The following NUDT1 variants were observed in gnomAD, a reference collection of about 807,000 sequenced individuals.
The protein encoded by NUDT1 is nudix hydrolase 1, also known as oxidized purine nucleoside triphosphate hydrolase.
Under a neutral mutation model 11.3 loss-of-function variants are expected in NUDT1, and 16 were observed. The ratio of observed to expected loss-of-function variants is 1.41; its 90% confidence interval spans 0.96 to 2.15. The LOEUF is 2.15. Among genes scored for constraint, NUDT1 ranks in the 30% most tolerant of loss-of-function variants. The pLI is 0.00. For synonymous variants in NUDT1, 101 were observed against 84.4 expected (o/e 1.20, Z -1.08); for missense variants, 234 against 208.4 (o/e 1.12, Z -0.76).
intron 2 of NUDT1, among the ~76,000 whole-genome samples, 153 bp downstream of exon 2, chr7:2,244,879 G>A (rs1794711201): frequency 1.3e-5 from 2 of 152,366 alleles, no homozygotes; most frequent in African/African-American, 4.8e-5. Context: ...TCAGAATGAA[G>A]AACAGTCCGC....
chr7:2,249,957 GTCTTCTGCACAGACAGCA>G lies in NUDT1; in HGVS notation c.256_273del (p.Phe86_Ile91del). ...CGAGCCTGAGCTCATGGACGTGCAT[GTCTTCTGCACAGACAGCA>G]TCCAGGGGACCCCCGTGGAGAGCGA... On this transcript the variant is annotated inframe_deletion, in exon 3 of 4. Coordinates refer to ENST00000356714, the MANE Select transcript of NUDT1 (RefSeq NM_002452.4). 1 of 1,614,222 alleles carries G rather than the reference GTCTTCTGCACAGACAGCA, an allele frequency of 6.2e-7. No individual in the cohort carries two copies.
chr7:2,245,101 G>C (rs1483896709), intron 2 of NUDT1, among the ~76,000 whole-genome samples: 1 of 152,138 alleles, frequency 6.6e-6, no homozygotes, highest in Non-Finnish European at 1.5e-5. Flanking sequence ...CAGTCACTTG[G>C]TTCCTCTGTC....
Position 2,249,911 on chromosome 7 carries a change from G to C in NUDT1, c.207G>C (p.Gln69His), listed in dbSNP as rs1462992388. 5 of 1,614,224 alleles carry C rather than the reference G, an allele frequency of 3.1e-6. No individual in the cohort carries two copies. In the South Asian group the frequency reaches 4.4e-5, roughly 14 times the overall value. ...TGGACGCCCTGCACAAGGTGGGCCA[G>C]ATCGTGTTTGAGTTCGTGGGCGAGC... ...LTVDALHKVG[Q>H]IVFEFVGEPE... is the part of the protein sequence containing the mutation. Residue 69 changes from glutamine (Q) to histidine (H), a missense_variant, in exon 3 of 4, where the codon CAG (glutamine) becomes CAC (histidine). Gln to His is a conservative substitution (Grantham distance 24). Transcript: ENST00000356714.
chr7:2,250,868 T>C lies in NUDT1; in HGVS notation c.338T>C (p.Phe113Ser). 1.9e-6 allele frequency: 3 copies of C among 1,614,192 alleles called. No individual in the cohort carries two copies. The highest frequency in any genetic ancestry group is 2.5e-6 in the Non-Finnish European group (3 of 1,180,018). Residue 113 changes from phenylalanine (F) to serine (S), a missense_variant, in exon 4 of 4, where the codon TTC (phenylalanine) becomes TCC (serine). By Grantham distance (155) the Phe-to-Ser change is radical (BLOSUM62 -2). Transcript: ENST00000356714. ...PCWFQLDQIP[F>S]KDMWPDDSYW... ...TGGTTCCAGCTGGATCAGATCCCCT[T>C]CAAGGACATGTGGCCCGACGACAGC...
In NUDT1 at chr7:2,244,724, GA is replaced by G. The variant is rs1562406449; in HGVS notation, c.151del (p.Arg51GlyfsTer9). ...GAGAGACCATCGAGGATGGGGCTAGGAGGTAAGGATGGGGCAGGTCTGGCCA... is the reference window on the plus strand; with the variant it reads ...GAGAGACCATCGAGGATGGGGCTAGGGGTAAGGATGGGGCAGGTCTGGCCA... ...EGETIEDGARRELQEESGLTV... is the reference protein window; with the variant it reads ...EGETIEDGARXELQEESGLTV... On this transcript the variant is annotated frameshift_variant and splice_region_variant, in exon 2 of 4. Coordinates refer to ENST00000356714, the MANE Select transcript of NUDT1 (RefSeq NM_002452.4). LOFTEE classifies it high-confidence loss of function. The G allele has an allele frequency of 1.2e-6, 2 of 1,608,824 alleles. No individual in the cohort carries two copies. The highest frequency in any genetic ancestry group is 1.7e-6 in the Non-Finnish European group (2 of 1,178,182).
chr7:2,246,140 C>T (rs1441939334), intron 2 of NUDT1, among the ~76,000 whole-genome samples: 2 of 152,196 alleles, frequency 1.3e-5, no homozygotes, highest in Non-Finnish European at 2.9e-5. Context: ...GGGTTCTCTG[C>T]CCAGCCCTTT....
At chr7:2,247,731 A>G (rs1176289637) in intron 2 of NUDT1, among the ~76,000 whole-genome samples, 1 of 152,186 alleles carries the variant, frequency 6.6e-6, no homozygotes, top group Non-Finnish European at 1.5e-5. Flanking sequence ...CTGCCTGGGA[A>G]ATGGAGCTTC....
intron 1 of NUDT1, 111 bp from the exon 2 acceptor site, chr7:2,244,452 A>AGC: frequency 2.2e-5 from 12 of 553,124 alleles, no homozygotes; most frequent in Non-Finnish European, 2.6e-5. Context: ...GTTACAGCAT[A>AGC]CCCCCCCGCC....
chr7:2,242,900 G>A (rs1794605416), intron 1 of NUDT1: 1 of 705,326 alleles, frequency 1.4e-6, no homozygotes, highest in South Asian at 1.5e-5. Flanking sequence ...TTATCGCAAG[G>A]ACAGAGGGCT....
chr7:2,250,337 T>C (rs1247802396), intron 3 of NUDT1, among the ~76,000 whole-genome samples: 3 of 152,200 alleles, frequency 2.0e-5, no homozygotes, highest in Admixed American at 6.5e-5. Context: ...CTCACCCCTG[T>C]AATCCCAGCA....
intron 2 of NUDT1, among the ~76,000 whole-genome samples, chr7:2,245,005 G>A (rs927246744): frequency 2.0e-5 from 3 of 152,180 alleles, no homozygotes; most frequent in Non-Finnish European, 4.4e-5. Context: ...CGGTGGTGCT[G>A]GGGGCTGCAG....
chr7:2,244,013 G>A lies in NUDT1; in HGVS notation c.-12-550G>A, dbSNP rs35354695. ...CCTATCACAGGAGGGAGGACTAGCC[G>A]GGCCTGGCTGGGTGGACCTGTGTCT... On this transcript the variant is annotated intron_variant, in intron 1 of 3. Transcript: ENST00000356714. Among the ~76,000 whole-genome samples the A allele has an allele frequency of 5.3e-4, 80 of 152,286 alleles. 1 individual carries two copies. The East Asian group carries it at 0.014, about 26-fold the overall frequency.
At chr7:2,247,929 C>G (rs574726222) in intron 2 of NUDT1, 4 of 152,336 alleles carry the variant, frequency 2.6e-5, no homozygotes, top group African/African-American at 9.6e-5. Flanking sequence ...CCATTTATAC[C>G]CAAGTAGAAG....
rs756430967 is a variant in NUDT1 at position 2,244,692 on chromosome 7, CAAG to C, written c.122_124del (p.Glu41del). ...GTGGAATGGCTTTGGGGGCAAAGTG[CAAG>C]AAGGAGAGACCATCGAGGATGGGGC... On this transcript the variant is annotated inframe_deletion, in exon 2 of 4. Transcript: ENST00000356714. The C allele has an allele frequency of 8.1e-6, 13 of 1,612,746 alleles. No homozygotes were observed. In the East Asian group the frequency reaches 1.3e-4, roughly 17 times the overall value.
Position 2,244,612 on chromosome 7 carries a change from T to A in NUDT1, c.38T>A (p.Leu13Gln). The A allele has an allele frequency of 6.2e-7, 1 of 1,612,888 alleles. No individual in the cohort carries two copies. The highest frequency in any genetic ancestry group is 1.1e-5 in the South Asian group (1 of 90,938). Residue 13 changes from leucine (L) to glutamine (Q), a missense_variant, in exon 2 of 4, where the codon CTG (leucine) becomes CAG (glutamine). Leu to Gln is a moderately radical substitution (Grantham distance 113). Coordinates refer to ENST00000356714, the MANE Select transcript of NUDT1 (RefSeq NM_002452.4). ...AGGCTCTATACCCTGGTGCTGGTCC[T>A]GCAGCCTCAGCGAGTTCTCCTGGGC... ...ASRLYTLVLV[L>Q]QPQRVLLGMK...
Position 2,249,783 on chromosome 7 carries a change from C to T in NUDT1, c.153-74C>T. ...CTGGGCTGTGTGTAGATGCCCAGCT[C>T]CTCCTCCCTGCCATCGTGTGGGCAT... On this transcript the variant is annotated intron_variant, in intron 2 of 3. Transcript: ENST00000356714. 6 of 1,589,140 alleles carry T rather than the reference C, an allele frequency of 3.8e-6. No homozygotes were observed. In the South Asian group the frequency reaches 6.7e-5, roughly 18 times the overall value.
chr7:2,242,629 C>T (rs1174895373), intron 1 of NUDT1: 1 of 336,538 alleles, frequency 3.0e-6, no homozygotes, highest in African/African-American at 2.1e-5. Flanking sequence ...CCACCAGGAC[C>T]CAGTCTCAGT....
At chr7:2,246,556 C>T (rs35221620) in intron 2 of NUDT1, among the ~76,000 whole-genome samples, 27 of 152,180 alleles carry the variant, frequency 1.8e-4, no homozygotes, top group African/African-American at 5.6e-4. Flanking sequence ...TTCCGCTTCT[C>T]GTCCTGCTGG....
At chr7:2,249,786 C>G (rs1388904359) in intron 2 of NUDT1, 71 bp from the exon 3 acceptor site, 3 of 1,592,214 alleles carry the variant, frequency 1.9e-6, no homozygotes. Flanking sequence ...CCCAGCTCCT[C>G]CTCCCTGCCA....
Sources: allele counts gnomAD v4.1 joint callset (sites outside exome capture counted in the v4.1 genomes callset), GRCh38; gene constraint gnomAD v4.1.1; transcripts MANE v1.5; gene names NCBI Gene and HGNC (gene_info 2026-07-23, HGNC 2026-07-21).